The following PID1 variants were observed in gnomAD, a reference collection of about 807,000 sequenced individuals.
PID1 encodes the protein phosphotyrosine interaction domain containing 1, also known as PTB-containing, cubilin and LRP1-interacting protein.
PID1 carries 10 observed loss-of-function variants against 19.1 expected under a neutral mutation model. That is an observed-to-expected ratio of 0.52 (90% CI 0.32 to 0.89). The LOEUF (loss-of-function observed/expected upper bound fraction) is 0.89. Ranked by LOEUF, PID1 falls within the 40% of genes least tolerant of loss-of-function variation. The pLI, the probability that PID1 is intolerant of heterozygous loss-of-function variation, is 0.03. For missense variants in PID1, 248 were observed against 285.3 expected, an observed-to-expected ratio of 0.87 and a Z score of 0.94; for synonymous variants, 130 against 116.0, an observed-to-expected ratio of 1.12 and a Z score of -0.78.
At chr2:229,050,812 G>C (rs145758172) in intron 2 of PID1, among the ~76,000 whole-genome samples, 2,732 of 149,938 alleles carry the variant, frequency 0.018, 41 homozygotes, top group Non-Finnish European at 0.025. Flanking sequence ...GTGGCATAAA[G>C]GTCATATGCC....
intron 1 of PID1, among the ~76,000 whole-genome samples, chr2:229,216,892 TA>T (rs869113815): frequency 6.6e-5 from 10 of 152,122 alleles, no homozygotes; most frequent in South Asian, 2.1e-4. Flanking sequence ...TATATTTTTT[TA>T]AAAAAAAGCA....
chr2:229,043,931 C>T (rs1353366515), intron 2 of PID1, among the ~76,000 whole-genome samples: 1 of 152,162 alleles, frequency 6.6e-6, no homozygotes, highest in Non-Finnish European at 1.5e-5. Context: ...ACATCCAGCT[C>T]AAATCCTTTG....
chr2:229,110,417 C>A (rs188088332), intron 2 of PID1, among the ~76,000 whole-genome samples: 17 of 152,190 alleles, frequency 1.1e-4, no homozygotes, highest in African/African-American at 3.9e-4. Context: ...TGAGGGGAGG[C>A]AAGATCAGGT....
chr2:229,158,949 TG>T (rs1690438082), intron 1 of PID1, among the ~76,000 whole-genome samples: 1 of 149,164 alleles, frequency 6.7e-6, no homozygotes, highest in African/African-American at 2.5e-5. Context: ...GGGGGAGCTG[TG>T]GGGGAAGGCA....
At chr2:229,173,812 C>A (rs1027718912) in intron 1 of PID1, among the ~76,000 whole-genome samples, 4 of 152,116 alleles carry the variant, frequency 2.6e-5, no homozygotes, top group Middle Eastern at 3.2e-3. Context: ...GAATTAACAC[C>A]CCCTGGAAGC....
intron 1 of PID1, among the ~76,000 whole-genome samples, chr2:229,259,886 G>T (rs1690410461): frequency 6.6e-6 from 1 of 152,112 alleles, no homozygotes; most frequent in African/African-American, 2.4e-5. Context: ...TGAGGACACA[G>T]CGTGAAGGCA....
At chr2:229,087,779 AAT>A (rs1694798076) in intron 2 of PID1, among the ~76,000 whole-genome samples, 1 of 152,194 alleles carries the variant, frequency 6.6e-6, no homozygotes, top group East Asian at 1.9e-4. Context: ...GCATTGCTTA[AAT>A]ATATATGATA....
At chr2:229,165,329 G>T (rs1690576013) in intron 1 of PID1, among the ~76,000 whole-genome samples, 1 of 152,148 alleles carries the variant, frequency 6.6e-6, no homozygotes, top group Non-Finnish European at 1.5e-5. Flanking sequence ...GCCGGGCATG[G>T]TGGCTCATGC....
chr2:229,136,114 C>A (rs1234505926), intron 2 of PID1, among the ~76,000 whole-genome samples: 1 of 152,166 alleles, frequency 6.6e-6, no homozygotes. Context: ...CAGATGAAAG[C>A]CAACTGCCAC....
At chr2:229,227,104 A>G (rs1388043834) in intron 1 of PID1, among the ~76,000 whole-genome samples, 3 of 152,236 alleles carry the variant, frequency 2.0e-5, no homozygotes, top group Non-Finnish European at 2.9e-5. Context: ...ACATTTTGAT[A>G]TTTTGATTTT....
At chr2:229,056,954 A>C (rs1440978567) in intron 2 of PID1, among the ~76,000 whole-genome samples, 1 of 152,190 alleles carries the variant, frequency 6.6e-6, no homozygotes, top group Non-Finnish European at 1.5e-5. Context: ...TGTCGGCTTT[A>C]CCTGACATAG....
intron 1 of PID1, among the ~76,000 whole-genome samples, chr2:229,251,468 C>T (rs778444579): frequency 6.2e-4 from 95 of 152,146 alleles, no homozygotes; most frequent in Admixed American, 2.6e-4. Context: ...TGAGTTTTAA[C>T]ATAGCCATGA....
intron 1 of PID1, among the ~76,000 whole-genome samples, chr2:229,270,657 A>C (rs1353534844): frequency 6.6e-6 from 1 of 151,970 alleles, no homozygotes; most frequent in East Asian, 1.9e-4. Flanking sequence ...AAAAAAAAAA[A>C]AAAAAAAAAA....
intron 2 of PID1, among the ~76,000 whole-genome samples, chr2:229,139,132 A>AGAAAGAAAGAAAGAAAGAAAG (rs1689953434): frequency 8.5e-6 from 1 of 118,342 alleles, no homozygotes; most frequent in African/African-American, 3.4e-5. Flanking sequence ...AAAGAAAGAA[A>AGAAAGAAAGAAAGAAAGAAAG]GAAAGAAAGA....
chr2:229,198,561 T>C (rs892248304), intron 1 of PID1, among the ~76,000 whole-genome samples: 15 of 152,090 alleles, frequency 9.9e-5, no homozygotes, highest in African/African-American at 3.6e-4. Context: ...ATATGTCCCA[T>C]ATGGAATACA....
chr2:229,102,402 A>G (rs899727899), intron 2 of PID1, among the ~76,000 whole-genome samples: 9 of 152,202 alleles, frequency 5.9e-5, no homozygotes, highest in African/African-American at 1.9e-4. Context: ...AGCTATTGTT[A>G]ATAGAAGACT....
chr2:229,158,121 C>T (rs1199843688), intron 1 of PID1, among the ~76,000 whole-genome samples: 1 of 152,212 alleles, frequency 6.6e-6, no homozygotes, highest in African/African-American at 2.4e-5. Flanking sequence ...TAAATTCATG[C>T]TCAGAATCTA....
At chr2:229,165,836 A>T (rs1470801761) in intron 1 of PID1, among the ~76,000 whole-genome samples, 16 of 151,898 alleles carry the variant, frequency 1.1e-4, no homozygotes, top group Non-Finnish European at 2.1e-4. Flanking sequence ...AGAAAATTTG[A>T]TTATCTTTGT....
At chr2:229,134,122 A>G (rs1689805336) in intron 2 of PID1, among the ~76,000 whole-genome samples, 1 of 152,022 alleles carries the variant, frequency 6.6e-6, no homozygotes, top group African/African-American at 2.4e-5. Flanking sequence ...TTTGAGAACC[A>G]TCAGTCACCT....
Sources: allele counts gnomAD v4.1 joint callset (sites outside exome capture counted in the v4.1 genomes callset), GRCh38; gene constraint gnomAD v4.1.1; transcripts MANE v1.5; gene names NCBI Gene and HGNC (gene_info 2026-07-23, HGNC 2026-07-21).